The following MBD5 variants were observed in gnomAD, a reference collection of about 807,000 sequenced individuals.
The protein encoded by MBD5 is methyl-CpG binding domain protein 5.
MBD5 carries 13 observed loss-of-function variants against 117.3 expected under a neutral mutation model. The ratio of observed to expected loss-of-function variants is 0.11; its 90% CI spans 0.07 to 0.18. MBD5 has a LOEUF of 0.18. MBD5 is among the 10% of genes least tolerant of loss of function. The pLI, the probability that MBD5 is intolerant of heterozygous loss-of-function variation, is 1.00. For missense variants in MBD5, 1,879 were observed against 2,093.8 expected (o/e 0.90, Z 2.00); for synonymous variants, 727 against 766.4 (o/e 0.95, Z 0.85).
At chr2:148,205,938 C>T (rs954166404) in intron 2 of MBD5, among the ~76,000 whole-genome samples, 1 of 151,752 alleles carries the variant, frequency 6.6e-6, no homozygotes, top group Non-Finnish European at 1.5e-5. Context: ...CCCGGGAGTT[C>T]GAGACCACCC....
intron 4 of MBD5, among the ~76,000 whole-genome samples, chr2:148,453,894 T>G (rs991409775): frequency 1.3e-5 from 2 of 152,020 alleles, no homozygotes; most frequent in African/African-American, 4.8e-5. Flanking sequence ...GCTTTCCTAG[T>G]TCTACCCTCC....
chr2:148,048,738 A>G (rs1427225452), intron 1 of MBD5, among the ~76,000 whole-genome samples: 2 of 152,212 alleles, frequency 1.3e-5, no homozygotes, highest in African/African-American at 2.4e-5. Flanking sequence ...AGAATGGAGT[A>G]GAAAACAGAG....
chr2:148,489,476 C>T lies in MBD5; in HGVS notation c.3844C>T (p.Leu1282Phe). ...ACTTCCTGAGAATCCAAACACTACA[C>T]TTCCACCTTTTCAAGATACACCTTG... ...TALPENPNTT[L>F]PPFQDTPCEL... Residue 1282 changes from leucine (L) to phenylalanine (F), a missense_variant, in exon 11 of 14, where the codon CTT becomes TTT. Transcript: ENST00000642680. 2 of 1,614,216 alleles carry T rather than the reference C, an allele frequency of 1.2e-6. No homozygotes were observed. The highest frequency in any genetic ancestry group is 8.5e-7 in the Non-Finnish European group (1 of 1,180,034).
At chr2:148,051,325 C>CG (rs1003427789) in intron 1 of MBD5, among the ~76,000 whole-genome samples, 3 of 107,942 alleles carry the variant, frequency 2.8e-5, no homozygotes, top group South Asian at 2.8e-4. Flanking sequence ...TGGATTCTTC[C>CG]GGGTTTTTTA....
At chr2:148,399,168 A>G (rs575152667) in intron 4 of MBD5, among the ~76,000 whole-genome samples, 1 of 152,336 alleles carries the variant, frequency 6.6e-6, no homozygotes, top group East Asian at 1.9e-4. Context: ...ACTTTCAAGT[A>G]GTTTTTTCCA....
chr2:148,024,587 T>G (rs1483919974), intron 1 of MBD5, among the ~76,000 whole-genome samples: 2 of 152,202 alleles, frequency 1.3e-5, no homozygotes, highest in African/African-American at 2.4e-5. Flanking sequence ...GGAATTCCTT[T>G]CCTCTCCTTT....
intron 4 of MBD5, among the ~76,000 whole-genome samples, chr2:148,444,516 T>C (rs1459932462): frequency 6.6e-6 from 1 of 151,302 alleles, no homozygotes; most frequent in Non-Finnish European, 1.5e-5. Context: ...CCTATGTTTG[T>C]TTACCACCTA....
intron 4 of MBD5, among the ~76,000 whole-genome samples, chr2:148,370,711 A>T (rs957330941): frequency 6.6e-6 from 1 of 151,904 alleles, no homozygotes; most frequent in Non-Finnish European, 1.5e-5. Context: ...CTGGTCTCGA[A>T]CTCCTGAGCC....
At chr2:148,274,782 G>A (rs1701067674) in intron 3 of MBD5, among the ~76,000 whole-genome samples, 1 of 151,232 alleles carries the variant, frequency 6.6e-6, no homozygotes, top group African/African-American at 2.4e-5. Flanking sequence ...GAGTGCAATG[G>A]CACGATCTCA....
intron 4 of MBD5, among the ~76,000 whole-genome samples, chr2:148,429,784 G>A (rs1428205674): frequency 1.3e-5 from 2 of 152,048 alleles, no homozygotes; most frequent in Non-Finnish European, 2.9e-5. Flanking sequence ...CTCATAAGTG[G>A]GAGTTAAACA....
In MBD5 at chr2:148,021,204, C is replaced by G. The variant is rs1268271202; in HGVS notation, c.-1405C>G. 1 of 241,716 alleles carries G rather than the reference C, an allele frequency of 4.1e-6. No individual in the cohort carries two copies. Among genetic ancestry groups the G allele is most frequent in the African/African-American group, 2.3e-5 (1 of 43,814 alleles). The allele number at this position is 241,716 out of a possible 1,614,324, so 15.0% of individuals were successfully genotyped here. On this transcript the variant is annotated 5_prime_UTR_variant, in exon 1 of 14. Transcript: ENST00000642680. ...GGGACAGGACACTAATTCTACCCCA[C>G]TTCAACCTTGAATTCAGGGGGGTGG...
chr2:148,496,705 C>T (rs1039212343), intron 11 of MBD5, among the ~76,000 whole-genome samples: 2 of 152,030 alleles, frequency 1.3e-5, no homozygotes, highest in Non-Finnish European at 2.9e-5. Flanking sequence ...ATGGATTTAC[C>T]CCCGTCCTGT....
At chr2:148,292,443 A>G (rs12691783) in intron 3 of MBD5, among the ~76,000 whole-genome samples, 143,470 of 152,298 alleles carry the variant, frequency 0.94, 68,119 homozygotes, top group East Asian at 1. Context: ...AAGAAGACAT[A>G]CAAATAGCAA....
At chr2:148,327,125 G>C (rs1465047223) in intron 3 of MBD5, among the ~76,000 whole-genome samples, 1 of 151,866 alleles carries the variant, frequency 6.6e-6, no homozygotes, top group African/African-American at 2.4e-5. Context: ...TGAAATTCTG[G>C]GTTGAAAATT....
chr2:148,264,309 A>AAGAAGC (rs1700803519), intron 3 of MBD5: 1 of 146,282 alleles, frequency 6.8e-6, no homozygotes, highest in Non-Finnish European at 1.5e-5. Context: ...GAAGAAGAAG[A>AAGAAGC]AGAAGAAGAA....
chr2:148,034,336 A>G (rs1360277342), intron 1 of MBD5, among the ~76,000 whole-genome samples: 1 of 152,226 alleles, frequency 6.6e-6, no homozygotes, highest in African/African-American at 2.4e-5. Context: ...ACAGCTTTCT[A>G]CTGTTGTTTA....
chr2:148,228,883 T>C (rs950377109), intron 2 of MBD5, among the ~76,000 whole-genome samples: 1 of 152,258 alleles, frequency 6.6e-6, no homozygotes, highest in African/African-American at 2.4e-5. Context: ...CTAGATTTTC[T>C]AATTTATTTG....
intron 3 of MBD5, among the ~76,000 whole-genome samples, chr2:148,248,480 T>C (rs1700388581): frequency 6.6e-6 from 1 of 152,146 alleles, no homozygotes; most frequent in African/African-American, 2.4e-5. Flanking sequence ...CTACCTTCAA[T>C]ATAGGACCCC....
chr2:148,495,095 A>T (rs1054279462), intron 11 of MBD5, among the ~76,000 whole-genome samples: 1 of 152,254 alleles, frequency 6.6e-6, no homozygotes, highest in African/African-American at 2.4e-5. Context: ...GTGACCAGGA[A>T]TAAGACCTCA....
Sources: allele counts gnomAD v4.1 joint callset (sites outside exome capture counted in the v4.1 genomes callset), GRCh38; gene constraint gnomAD v4.1.1; transcripts MANE v1.5; gene names NCBI Gene and HGNC (gene_info 2026-07-23, HGNC 2026-07-21).